Variants in BASP1 observed in about 807,000 individuals in gnomAD.
The protein encoded by BASP1 is brain abundant membrane attached signal protein 1, also known as brain acid soluble protein 1.
In BASP1, 1 loss-of-function variant was observed where a neutral mutation model predicts 2.2. The ratio of observed to expected loss-of-function variants is 0.46; its 90% CI spans 0.16 to 2.17. The LOEUF (loss-of-function observed/expected upper bound fraction) is 2.17, where lower values mean the gene tolerates loss of function less well. Ranked by LOEUF, BASP1 falls within the 30% of genes most tolerant of loss-of-function variation. BASP1 has a pLI of 0.27. For synonymous variants in BASP1, 187 were observed against 154.2 expected (o/e 1.21, Z -1.58); for missense variants, 352 against 327.2 (o/e 1.08, Z -0.58).
At chr5:17,256,957 CAG>C (rs1554028021) in intron 1 of BASP1, among the ~76,000 whole-genome samples, 1 of 152,158 alleles carries the variant, frequency 6.6e-6, no homozygotes, top group Non-Finnish European at 1.5e-5. Flanking sequence ...CTGGGTGAAA[CAG>C]AATATGGCAC....
chr5:17,237,527 A>G (rs1017830002), intron 1 of BASP1, among the ~76,000 whole-genome samples: 2 of 152,072 alleles, frequency 1.3e-5, no homozygotes, highest in Non-Finnish European at 2.9e-5. Flanking sequence ...CTAAATCTAT[A>G]GTTGAGCTTG....
chr5:17,223,024 C>CTT (rs60501183), intron 1 of BASP1, among the ~76,000 whole-genome samples: 1,511 of 148,056 alleles, frequency 0.01, 25 homozygotes, highest in African/African-American at 0.034. Context: ...TTTATAAACT[C>CTT]TTTTTTTTTT....
At chr5:17,267,721 G>T (rs1011333352) in intron 1 of BASP1, among the ~76,000 whole-genome samples, 1 of 148,454 alleles carries the variant, frequency 6.7e-6, no homozygotes, top group Admixed American at 6.7e-5. Flanking sequence ...GTTTCACCAT[G>T]TTGGCCACGC....
intron 1 of BASP1, among the ~76,000 whole-genome samples, chr5:17,261,979 A>T (rs941559074): frequency 6.6e-6 from 1 of 152,134 alleles, no homozygotes; most frequent in African/African-American, 2.4e-5. Context: ...CCATCACCGG[A>T]TCAATTTGCG....
intron 1 of BASP1, among the ~76,000 whole-genome samples, chr5:17,243,658 T>C (rs987124388): frequency 6.6e-6 from 1 of 152,234 alleles, no homozygotes; most frequent in African/African-American, 2.4e-5. Context: ...GTCATTATTT[T>C]ATTTGTGAAT....
At chr5:17,254,987 A>C (rs2937187) in intron 1 of BASP1, among the ~76,000 whole-genome samples, 20,587 of 152,084 alleles carry the variant, frequency 0.14, 1,890 homozygotes, top group East Asian at 0.3. Context: ...GATAATTTCA[A>C]TTCACCCTCT....
chr5:17,258,127 T>C (rs1740251537), intron 1 of BASP1, among the ~76,000 whole-genome samples: 1 of 152,168 alleles, frequency 6.6e-6, no homozygotes, highest in Non-Finnish European at 1.5e-5. Context: ...TCTAATTTAT[T>C]TGTGGCTCTG....
intron 1 of BASP1, among the ~76,000 whole-genome samples, chr5:17,254,622 A>G (rs1201755189): frequency 2.0e-5 from 3 of 152,238 alleles, no homozygotes; most frequent in Non-Finnish European, 4.4e-5. Flanking sequence ...CATGGTGCTC[A>G]ATACAGTTTT....
rs544213437 is a variant in BASP1 at position 17,236,457 on chromosome 5, G to A, written c.-10+18647G>A. ...TTTTTGTATTTTTAGTAGAGACGGG[G>A]TTTCGCCTTGTTGGTCAGGCTGGTC... On this transcript the variant is annotated intron_variant, in intron 1 of 1. Transcript: ENST00000322611. The surrounding 1 kb of genome is among the most constrained non-coding windows in gnomAD (Gnocchi z 4.0). Among the ~76,000 whole-genome samples, 11 of 152,186 alleles carry A rather than the reference G, an allele frequency of 7.2e-5. No individual in the cohort carries two copies. Among genetic ancestry groups the A allele is most frequent in the Non-Finnish European group, 1.5e-4 (10 of 68,006 alleles).
At chr5:17,256,001 G>A (rs1039869904) in intron 1 of BASP1, among the ~76,000 whole-genome samples, 1 of 152,144 alleles carries the variant, frequency 6.6e-6, no homozygotes, top group Non-Finnish European at 1.5e-5. Flanking sequence ...TGAATCAGAA[G>A]GAATTTGCAC....
intron 1 of BASP1, among the ~76,000 whole-genome samples, chr5:17,222,590 G>A (rs1050824132): frequency 1.3e-5 from 2 of 152,174 alleles, no homozygotes; most frequent in African/African-American, 2.4e-5. Context: ...AGCCTAAGAA[G>A]GAAGCAGTGT....
At position 17,275,151 on chromosome 5, in the gene BASP1, T is replaced by C. The variant is rs1740606109; in HGVS notation, c.-9-57T>C. 25 of 1,565,050 alleles carry C rather than the reference T, an allele frequency of 1.6e-5. No homozygotes were observed. Among genetic ancestry groups the C allele is most frequent in the Non-Finnish European group, 2.0e-5 (23 of 1,146,800 alleles). On this transcript the variant is annotated intron_variant, in intron 1 of 1. Coordinates refer to ENST00000322611, the MANE Select transcript of BASP1 (RefSeq NM_006317.5). This position sits in a 1 kb window ranked among gnomAD's most constrained non-coding sequence, Gnocchi z 5.3. ...TTGCTTTGCAAAATGCAGCTTTTTG[T>C]GGTCCCCACACTTGCCTAGTAACCG...
Position 17,247,144 on chromosome 5 carries a change from T to C in BASP1, c.-9-28064T>C, listed in dbSNP as rs114354664. ...AGGCTGCAGTGAGCCGAGATTGCGT[T>C]GTTGCACTCCAGCCTGGGCGACAGA... On this transcript the variant is annotated intron_variant, in intron 1 of 1. Transcript: ENST00000322611. Among the ~76,000 whole-genome samples, 891 of 152,304 alleles carry C rather than the reference T, an allele frequency of 5.9e-3. 12 individuals are homozygous for C. Among genetic ancestry groups the C allele is most frequent in the African/African-American group, 0.02 (847 of 41,556 alleles).
intron 1 of BASP1, among the ~76,000 whole-genome samples, chr5:17,233,195 G>A (rs1438303040): frequency 6.6e-6 from 1 of 152,202 alleles, no homozygotes; most frequent in Non-Finnish European, 1.5e-5. Context: ...TGAGGTGATG[G>A]TAGGCGTCTT....
At position 17,236,689 on chromosome 5, in the gene BASP1, G is replaced by C. The variant is rs548620732; in HGVS notation, c.-10+18879G>C. On this transcript the variant is annotated intron_variant, in intron 1 of 1. Transcript: ENST00000322611. The surrounding 1 kb of genome is among the most constrained non-coding windows in gnomAD (Gnocchi z 4.0). ...GAGTTTATTTTTCATGTTATTGTTG[G>C]AAATAAAAACCCAGAAATATTTTAA... Among the ~76,000 whole-genome samples the C allele has an allele frequency of 6.6e-6, 1 of 152,180 alleles. No individual in the cohort carries two copies. The highest frequency in any genetic ancestry group is 2.1e-4 in the South Asian group (1 of 4,826).
At chr5:17,266,905 A>T (rs144011207) in intron 1 of BASP1, among the ~76,000 whole-genome samples, 48 of 151,512 alleles carry the variant, frequency 3.2e-4, no homozygotes, top group African/African-American at 1.1e-3. Flanking sequence ...TTGCCTGTGG[A>T]TAGCTCTGTA....
chr5:17,226,949 T>G (rs1359209101), intron 1 of BASP1, among the ~76,000 whole-genome samples: 4 of 151,812 alleles, frequency 2.6e-5, no homozygotes, highest in Non-Finnish European at 4.4e-5. Flanking sequence ...TTTTTTTCTT[T>G]TTTTCGTTTT....
chr5:17,264,759 C>G (rs752939366), intron 1 of BASP1, among the ~76,000 whole-genome samples: 1 of 152,198 alleles, frequency 6.6e-6, no homozygotes, highest in African/African-American at 2.4e-5. Flanking sequence ...TTGGAGCCAT[C>G]TTCTCCATTG....
At chr5:17,268,626 C>T (rs993989046) in intron 1 of BASP1, among the ~76,000 whole-genome samples, 1 of 152,208 alleles carries the variant, frequency 6.6e-6, no homozygotes, top group African/African-American at 2.4e-5. Flanking sequence ...AAAATAAACA[C>T]AGCAGATGAT....
Sources: allele counts gnomAD v4.1 joint callset (sites outside exome capture counted in the v4.1 genomes callset), GRCh38; gene constraint gnomAD v4.1.1; non-coding constraint Gnocchi (gnomAD v3.1); transcripts MANE v1.5; gene names NCBI Gene and HGNC (gene_info 2026-07-23, HGNC 2026-07-21).